Variants in CSMD1 observed in about 807,000 individuals in gnomAD.
The protein encoded by CSMD1 is CUB and Sushi multiple domains 1.
Under a neutral mutation model 417.5 loss-of-function variants are expected in CSMD1, and 213 were observed. That is an observed-to-expected ratio of 0.51 (90% CI 0.46 to 0.57). The LOEUF is 0.57. Ranked by LOEUF, CSMD1 falls within the 20% of genes least tolerant of loss-of-function variation. CSMD1 has a pLI of 0.00. For synonymous variants in CSMD1, 2,862 were observed against 1,736.8 expected (o/e 1.65, Z -16.11); for missense variants, 6,923 against 4,529.7 (o/e 1.53, Z -15.17).
rs568195254 is a variant in CSMD1, at chr8:4,987,258, A to G, written c.85+7074T>C. 1.2e-4 allele frequency among the ~76,000 whole-genome samples: 18 copies of G among 152,310 alleles called. No homozygotes were observed. In the South Asian group the frequency reaches 3.7e-3, roughly 32 times the overall value. On this transcript the variant is annotated intron_variant, in intron 1 of 69. Transcript: ENST00000635120. The stretch of plus-strand genomic sequence containing the variant: ...GAATTTGCATTGAATCAAAATTGAA[A>G]CAAGTAATTCTTAGGCACACAAAGT...
At chr8:4,202,875 G>C (rs770400003) in intron 3 of CSMD1, among the ~76,000 whole-genome samples, 3 of 152,182 alleles carry the variant, frequency 2.0e-5, no homozygotes, top group Non-Finnish European at 2.9e-5. Context: ...GAGAAATAGA[G>C]GGTGTCCTGG....
At position 3,436,252 on chromosome 8, in the gene CSMD1, A is replaced by C. The variant is rs947584130; in HGVS notation, c.1562-26647T>G. 2.0e-5 allele frequency among the ~76,000 whole-genome samples: 3 copies of C among 152,238 alleles called. No homozygotes were observed. The East Asian group carries it at 5.8e-4, about 29-fold the overall frequency. Reference sequence around the variant, plus strand: ...AAAAAGAAAATTAAAATGTGACATGAGTCTCTCTTACCAACGCGATAGTAA... The same window carrying C: ...AAAAAGAAAATTAAAATGTGACATGCGTCTCTCTTACCAACGCGATAGTAA... On this transcript the variant is annotated intron_variant, in intron 12 of 69. Coordinates refer to ENST00000635120, the MANE Select transcript of CSMD1 (RefSeq NM_033225.6).
chr8:4,653,495 C>T (rs1312386766), intron 1 of CSMD1, among the ~76,000 whole-genome samples: 4 of 152,074 alleles, frequency 2.6e-5, no homozygotes, highest in Non-Finnish European at 5.9e-5. Context: ...GAAAGACTTA[C>T]AGACACCAGA....
At chr8:4,759,436 G>A (rs1811885427) in intron 1 of CSMD1, among the ~76,000 whole-genome samples, 1 of 152,208 alleles carries the variant, frequency 6.6e-6, no homozygotes, top group Admixed American at 6.5e-5. Flanking sequence ...AAGGGTACAT[G>A]TGCAGAATGT....
At chr8:4,789,671 T>C (rs1797590696) in intron 1 of CSMD1, among the ~76,000 whole-genome samples, 1 of 152,162 alleles carries the variant, frequency 6.6e-6, no homozygotes, top group Non-Finnish European at 1.5e-5. Flanking sequence ...TGTCAGAATT[T>C]AGCATGTTCC....
At chr8:3,168,617 T>G (rs2129042868) in intron 37 of CSMD1, among the ~76,000 whole-genome samples, 1 of 140,782 alleles carries the variant, frequency 7.1e-6, no homozygotes, top group Admixed American at 7.2e-5. Context: ...GTGTAAGGAG[T>G]CAGTAAGTCT....
rs189765632 is a variant in CSMD1 at position 3,914,338 on chromosome 8, G to C, written c.818+83565C>G. 1.9e-3 allele frequency among the ~76,000 whole-genome samples: 283 copies of C among 151,914 alleles called. 2 individuals carry two copies. The highest frequency in any genetic ancestry group is 1.7e-3 in the Non-Finnish European group (118 of 67,928). On this transcript the variant is annotated intron_variant, in intron 5 of 69. Transcript: ENST00000635120. ...CGAGGAAGAGAATGGGGCCTAGAGG[G>C]TATCAGGATGTGTCCCATTACGTTG...
intron 20 of CSMD1, among the ~76,000 whole-genome samples, chr8:3,364,796 G>C (rs140034644): frequency 1.3e-5 from 2 of 152,312 alleles, no homozygotes; most frequent in African/African-American, 2.4e-5. Context: ...GTCCAGAATT[G>C]AGAAACAAAT....
At chr8:4,972,904 T>C (rs866622729) in intron 1 of CSMD1, among the ~76,000 whole-genome samples, 2 of 152,276 alleles carry the variant, frequency 1.3e-5, no homozygotes, top group Middle Eastern at 3.4e-3. Context: ...GGACCTACCT[T>C]GTGGAGAGTA....
At chr8:2,939,354 G>T (rs557693975) in intron 69 of CSMD1, among the ~76,000 whole-genome samples, 3 of 152,216 alleles carry the variant, frequency 2.0e-5, no homozygotes, top group East Asian at 3.9e-4. Context: ...TTCACAAAAA[G>T]TTATTTTTTA....
chr8:3,873,902 C>A (rs1210599620), intron 5 of CSMD1, among the ~76,000 whole-genome samples: 3 of 152,106 alleles, frequency 2.0e-5, no homozygotes, highest in South Asian at 4.1e-4. Flanking sequence ...GGGGAGGTCA[C>A]TGATCTTGGA....
At chr8:4,073,570 G>C (rs150200276) in intron 3 of CSMD1, among the ~76,000 whole-genome samples, 1 of 152,212 alleles carries the variant, frequency 6.6e-6, no homozygotes, top group East Asian at 1.9e-4. Context: ...TAATCCTACA[G>C]TATGAGGGAT....
At chr8:4,346,369 G>A (rs1285362417) in intron 3 of CSMD1, among the ~76,000 whole-genome samples, 1 of 152,062 alleles carries the variant, frequency 6.6e-6, no homozygotes, top group Non-Finnish European at 1.5e-5. Context: ...TACGATCTGC[G>A]GCTGCTTACC....
At chr8:4,574,902 A>T (rs78617196) in intron 2 of CSMD1, among the ~76,000 whole-genome samples, 1 of 152,220 alleles carries the variant, frequency 6.6e-6, no homozygotes, top group Non-Finnish European at 1.5e-5. Flanking sequence ...AAAGAATAAC[A>T]TACACACATA....
chr8:4,047,091 A>C (rs1798186442), intron 3 of CSMD1, among the ~76,000 whole-genome samples: 1 of 152,176 alleles, frequency 6.6e-6, no homozygotes, highest in African/African-American at 2.4e-5. Context: ...AATGGTCTCT[A>C]TGGCATTGAA....
intron 26 of CSMD1, among the ~76,000 whole-genome samples, chr8:3,234,076 C>G (rs1447018735): frequency 6.6e-6 from 1 of 152,178 alleles, no homozygotes; most frequent in Non-Finnish European, 1.5e-5. Context: ...TTTTCAACCT[C>G]AGAAAGACCT....
intron 25 of CSMD1, among the ~76,000 whole-genome samples, chr8:3,305,804 C>G (rs190713946): frequency 2.0e-5 from 3 of 152,112 alleles, no homozygotes; most frequent in Non-Finnish European, 2.9e-5. Flanking sequence ...CTCAGCCTCC[C>G]GAGTAGCTGG....
chr8:3,370,462 C>G lies in CSMD1; in HGVS notation c.2783-1092G>C, dbSNP rs190834372. On this transcript the variant is annotated intron_variant, in intron 18 of 69. Transcript: ENST00000635120. Reference sequence around the variant, plus strand: ...CACCAGCTCAGATCTCGAGACCAGGCTGCCCACCCTCACTGCAGCACCTCC... The same window carrying G: ...CACCAGCTCAGATCTCGAGACCAGGGTGCCCACCCTCACTGCAGCACCTCC... Among the ~76,000 whole-genome samples the G allele has an allele frequency of 5.4e-4, 82 of 152,292 alleles. 1 individual carries two copies. The highest frequency in any genetic ancestry group is 7.4e-5 in the Non-Finnish European group (5 of 68,010).
intron 4 of CSMD1, among the ~76,000 whole-genome samples, chr8:4,029,941 T>C (rs1271246727): frequency 2.0e-5 from 3 of 152,106 alleles, no homozygotes; most frequent in Non-Finnish European, 2.9e-5. Context: ...TAGAATCCAG[T>C]GGGGCAGTCA....
Sources: gnomAD v4.1 joint callset for allele counts (sites outside exome capture counted in the v4.1 genomes callset) on GRCh38, gnomAD v4.1.1 for gene constraint, MANE v1.5 for transcripts, NCBI Gene and HGNC (gene_info 2026-07-23, HGNC 2026-07-21) for gene names.